The following RYR2 variants were observed in gnomAD, a reference collection of about 807,000 sequenced individuals.
RYR2 encodes cardiac muscle ryanodine receptor-calcium release channel.
Under a neutral mutation model 601.1 loss-of-function variants are expected in RYR2, and 227 were observed. The observed-to-expected ratio is 0.38, with a 90% confidence interval of 0.34 to 0.42. The LOEUF (loss-of-function observed/expected upper bound fraction) is 0.42. Ranked by LOEUF, RYR2 falls within the 10% of genes least tolerant of loss-of-function variation. The probability of loss-of-function intolerance (pLI) is 1.00; values close to 1 mark genes in which losing one functional copy is unlikely to be tolerated. For synonymous variants in RYR2, 2,223 were observed against 2,175.1 expected (o/e 1.02, Z -0.61); for missense variants, 4,646 against 6,156.5 (o/e 0.75, Z 8.21).
At chr1:237,097,018 T>C (rs1386070483) in intron 1 of RYR2, among the ~76,000 whole-genome samples, 1 of 152,228 alleles carries the variant, frequency 6.6e-6, no homozygotes, top group Non-Finnish European at 1.5e-5. Context: ...GCCTGTTTTT[T>C]CAAAACCTTA....
intron 1 of RYR2, among the ~76,000 whole-genome samples, chr1:237,113,650 A>G (rs1019131575): frequency 6.6e-6 from 1 of 152,182 alleles, no homozygotes. Context: ...TGTGTGAGGA[A>G]CAGACTGCCA....
intron 29 of RYR2, among the ~76,000 whole-genome samples, chr1:237,573,284 GCACACATA>G (rs1274448252): frequency 1.3e-5 from 2 of 151,232 alleles, no homozygotes; most frequent in Admixed American, 1.3e-4. Flanking sequence ...GTGTGTATGC[GCACACATA>G]CACACAGACA....
intron 27 of RYR2, among the ~76,000 whole-genome samples, chr1:237,558,153 GAAC>G (rs994154011): frequency 4.0e-4 from 61 of 152,224 alleles, no homozygotes; most frequent in African/African-American, 1.5e-3. Context: ...CCTGTAAAAG[GAAC>G]AACAACACTT....
Position 237,808,994 on chromosome 1 carries a change from G to T in RYR2, c.14392G>T (p.Asp4798Tyr), listed in dbSNP as rs1201435512. 1 of 1,613,388 alleles carries T rather than the reference G, an allele frequency of 6.2e-7. No individual in the cohort carries two copies. Among genetic ancestry groups the T allele is most frequent in the Admixed American group, 1.7e-5 (1 of 60,024 alleles). The change falls in exon 100 of 105, where the codon GAT becomes TAT. Residue 4798 changes from aspartate (D) to tyrosine (Y), a missense_variant. Physicochemically the swap from Asp to Tyr is radical, Grantham distance 160. Transcript: ENST00000366574. ...FFRKFYNKSE[D>Y]GDTPDMKCDD... Reference sequence around the variant, plus strand: ...CCGAAAATTCTACAATAAAAGTGAAGATGGTGATACACCAGATATGAAATG... The same window carrying T: ...CCGAAAATTCTACAATAAAAGTGAATATGGTGATACACCAGATATGAAATG...
chr1:237,068,608 C>G (rs1297665262), intron 1 of RYR2, among the ~76,000 whole-genome samples: 2 of 152,004 alleles, frequency 1.3e-5, no homozygotes, highest in African/African-American at 2.4e-5. Context: ...TCTCATCTAC[C>G]CTGTATTATT....
chr1:237,061,794 G>A (rs563106207), intron 1 of RYR2, among the ~76,000 whole-genome samples: 1 of 151,680 alleles, frequency 6.6e-6, no homozygotes. Context: ...TTTAAATCAT[G>A]GTTTGTGGTT....
rs749454470 is a variant in RYR2, at chr1:237,784,504, G to A, written c.12792G>A (p.Leu4264=). 2 of 1,613,652 alleles carry A rather than the reference G, an allele frequency of 1.2e-6. No homozygotes were observed. Among genetic ancestry groups the A allele is most frequent in the East Asian group, 2.2e-5 (1 of 44,824 alleles). The change falls in exon 90 of 105, where the codon CTG becomes CTA. Residue 4264 remains leucine, a synonymous_variant. Transcript: ENST00000366574. This position sits in a 1 kb window ranked among gnomAD's most constrained non-coding sequence, Gnocchi z 7.1. The part of the protein sequence containing the change: ...TLMRMLSLKS[L]KKQMKKVKKM... ...TGCGAATGCTCAGTCTGAAGAGCCT[G>A]AAGAAGCAGATGAAAAAAGTAAAAA...
chr1:237,778,701 C>T lies in RYR2; in HGVS notation c.11811C>T (p.His3937=), dbSNP rs370924416. The change falls in exon 88 of 105, where the codon CAC becomes CAT. Residue 3937 remains histidine (H), a synonymous_variant. Coordinates refer to ENST00000366574, the MANE Select transcript of RYR2 (RefSeq NM_001035.3). Reference sequence around the variant, plus strand: ...CTGGGAATCAACAGAGTTTGGCACACAGCAGGCTGTGGGATGCTGTGGTCG... The same window carrying T: ...CTGGGAATCAACAGAGTTTGGCACATAGCAGGCTGTGGGATGCTGTGGTCG... The part of the protein sequence containing the change: ...PCTGNQQSLA[H]SRLWDAVVGF... 64 of 1,611,262 alleles carry T rather than the reference C, an allele frequency of 4.0e-5. 2 individuals are homozygous for T. In the African/African-American group the frequency reaches 7.3e-4, roughly 18 times the overall value.
chr1:237,733,591 TA>T (rs911894020), intron 78 of RYR2, 113 bp from the exon 79 acceptor site: 2 of 715,984 alleles, frequency 2.8e-6, no homozygotes, highest in African/African-American at 1.8e-5. Context: ...CATTTAATTT[TA>T]AAAAGGTATA....
intron 17 of RYR2, among the ~76,000 whole-genome samples, chr1:237,470,195 G>A (rs547887437): frequency 4.3e-4 from 65 of 152,054 alleles, no homozygotes; most frequent in African/African-American, 1.4e-3. Context: ...TGTTCTTTCC[G>A]GATCTACCAT....
At chr1:237,338,678 A>G (rs1003695850) in intron 3 of RYR2, among the ~76,000 whole-genome samples, 25 of 152,086 alleles carry the variant, frequency 1.6e-4, no homozygotes, top group Non-Finnish European at 2.8e-4. Context: ...CCAACAGTAG[A>G]TCTTCATATT....
intron 29 of RYR2, among the ~76,000 whole-genome samples, chr1:237,573,475 C>T (rs1472090231): frequency 6.7e-6 from 1 of 150,292 alleles, no homozygotes; most frequent in East Asian, 2.1e-4. Context: ...CTGATATGGC[C>T]ATCCAGTTAA....
At chr1:237,586,000 A>C (rs1256258385) in intron 29 of RYR2, among the ~76,000 whole-genome samples, 2 of 152,204 alleles carry the variant, frequency 1.3e-5, no homozygotes, top group Non-Finnish European at 2.9e-5. Context: ...CATCTCTCCT[A>C]CTTAAAGAAC....
intron 87 of RYR2, among the ~76,000 whole-genome samples, chr1:237,777,800 G>C (rs60147694): frequency 0.044 from 6,728 of 152,234 alleles, 263 homozygotes; most frequent in South Asian, 0.16. Flanking sequence ...TTTATGAATG[G>C]AGCAATACCA....
rs201551850 is a variant in RYR2 at position 237,355,114 on chromosome 1, G to GA, written c.274-843dup. ...TTACCTAATTAATGAGTTTTCTAAGGAAAAAAAATTACAAATAAACTTTCA... is the reference window on the plus strand; with the variant it reads ...TTACCTAATTAATGAGTTTTCTAAGGAAAAAAAAATTACAAATAAACTTTCA... On this transcript the variant is annotated intron_variant, in intron 3 of 104. Transcript: ENST00000366574. 6.5e-3 allele frequency among the ~76,000 whole-genome samples: 993 copies of GA among 151,794 alleles called. 15 individuals are homozygous for GA. Among genetic ancestry groups the GA allele is most frequent in the African/African-American group, 0.022 (902 of 41,402 alleles).
Position 237,493,673 on chromosome 1 carries a change from C to T in RYR2, c.1961+586C>T, listed in dbSNP as rs1027910838. Among the ~76,000 whole-genome samples the T allele has an allele frequency of 1.1e-4, 17 of 152,244 alleles. No homozygotes were observed. The East Asian group carries it at 1.7e-3, about 16-fold the overall frequency. On this transcript the variant is annotated intron_variant, in intron 19 of 104. Transcript: ENST00000366574. ...TTCACCGTGTTAGCCAGGATGGTCTCGAACTCCTGACCTCGTGATCTGCCC... is the reference window on the plus strand; with the variant it reads ...TTCACCGTGTTAGCCAGGATGGTCTTGAACTCCTGACCTCGTGATCTGCCC...
intron 1 of RYR2, among the ~76,000 whole-genome samples, chr1:237,210,364 A>G (rs1682438537): frequency 6.6e-6 from 1 of 152,138 alleles, no homozygotes; most frequent in African/African-American, 2.4e-5. Flanking sequence ...TTGAATAAAA[A>G]GAGCCTGTCT....
At chr1:237,286,831 G>A (rs1455557191) in intron 2 of RYR2, among the ~76,000 whole-genome samples, 1 of 151,948 alleles carries the variant, frequency 6.6e-6, no homozygotes, top group Non-Finnish European at 1.5e-5. Flanking sequence ...AGGTACCCTT[G>A]CATTCATCCA....
chr1:237,636,998 T>A (rs1050569360), intron 44 of RYR2, among the ~76,000 whole-genome samples: 12 of 152,118 alleles, frequency 7.9e-5, no homozygotes, highest in Non-Finnish European at 1.2e-4. Flanking sequence ...TAAATTGTAG[T>A]GAGAGAAAAC....
Sources: allele counts gnomAD v4.1 joint callset (sites outside exome capture counted in the v4.1 genomes callset), GRCh38; gene constraint gnomAD v4.1.1; non-coding constraint Gnocchi (gnomAD v3.1); transcripts MANE v1.5; gene names NCBI Gene and HGNC (gene_info 2026-07-23, HGNC 2026-07-21).